QTMAN: variants seen among roughly 807,000 people sequenced by gnomAD.
QTMAN encodes queuosine-tRNA mannosyltransferase, also known as tRNA-queuosine alpha-mannosyltransferase.
the QTMAN span, among the ~76,000 whole-genome samples, chr2:144,231,986 G>A: frequency 6.0e-5 from 9 of 150,856 alleles, no homozygotes; most frequent in African/African-American, 1.9e-4. Flanking sequence ...AAAAAGTTTC[G>A]CTGGCATGCC....
At chr2:144,246,579 CAAAA>C in the QTMAN span, among the ~76,000 whole-genome samples, 3 of 47,062 alleles carry the variant, frequency 6.4e-5, no homozygotes, top group Non-Finnish European at 8.4e-5. Flanking sequence ...GACTCCGTCT[CAAAA>C]AAAAAAAAAA....
the QTMAN span, among the ~76,000 whole-genome samples, chr2:144,311,211 T>C: frequency 2.6e-5 from 4 of 152,232 alleles, no homozygotes; most frequent in African/African-American, 9.7e-5. Flanking sequence ...AAGATACTCA[T>C]TCTTATTCTA....
At chr2:144,206,509 T>C in the QTMAN span, among the ~76,000 whole-genome samples, 1 of 152,204 alleles carries the variant, frequency 6.6e-6, no homozygotes, top group African/African-American at 2.4e-5. Context: ...TTATCATTGC[T>C]CAAATATAAG....
At chr2:144,075,241 A>T in the QTMAN span, among the ~76,000 whole-genome samples, 1 of 152,192 alleles carries the variant, frequency 6.6e-6, no homozygotes, top group African/African-American at 2.4e-5. Flanking sequence ...TATTAGGAGA[A>T]ATCGAGAATA....
the QTMAN span, among the ~76,000 whole-genome samples, chr2:144,064,625 G>A: frequency 6.6e-6 from 1 of 152,118 alleles, no homozygotes; most frequent in Non-Finnish European, 1.5e-5. Context: ...CAATATAGAA[G>A]TAGGGAATGC....
the QTMAN span, chr2:144,178,253 C>T: frequency 6.6e-5 from 10 of 152,072 alleles, no homozygotes; most frequent in African/African-American, 1.9e-4. Flanking sequence ...GAACCTGATC[C>T]GTAAAAGGAG....
the QTMAN span, among the ~76,000 whole-genome samples, chr2:144,082,859 G>T: frequency 6.6e-6 from 1 of 151,942 alleles, no homozygotes; most frequent in Non-Finnish European, 1.5e-5. Flanking sequence ...AGCTTGAGGG[G>T]TTATCATCTA....
the QTMAN span, among the ~76,000 whole-genome samples, chr2:144,259,936 T>G: frequency 6.6e-6 from 1 of 152,156 alleles, no homozygotes; most frequent in Non-Finnish European, 1.5e-5. Flanking sequence ...CTGTGAAAAT[T>G]AATTATAAAA....
the QTMAN span, among the ~76,000 whole-genome samples, chr2:144,243,278 A>G: frequency 6.6e-6 from 1 of 152,210 alleles, no homozygotes; most frequent in African/African-American, 2.4e-5. Context: ...TCTGTCAATG[A>G]CAGTCCAATG....
At chr2:144,297,005 CTAT>C in the QTMAN span, among the ~76,000 whole-genome samples, 3 of 152,134 alleles carry the variant, frequency 2.0e-5, no homozygotes, top group Admixed American at 6.5e-5. Flanking sequence ...ATATGGAAAA[CTAT>C]TATTATTACT....
the QTMAN span, among the ~76,000 whole-genome samples, chr2:143,949,819 T>G: frequency 6.6e-6 from 1 of 151,628 alleles, no homozygotes; most frequent in Non-Finnish European, 1.5e-5. Context: ...TGTATCATTA[T>G]TATAAAGGTT....
chr2:144,147,270 A>T, the QTMAN span, among the ~76,000 whole-genome samples: 603 of 151,828 alleles, frequency 4.0e-3, 1 homozygote, highest in Non-Finnish European at 6.5e-3. Flanking sequence ...GGTTAAAAAA[A>T]AAAAATCTTA....
At chr2:144,242,510 CT>C in the QTMAN span, among the ~76,000 whole-genome samples, 4 of 152,116 alleles carry the variant, frequency 2.6e-5, no homozygotes, top group East Asian at 5.8e-4. Context: ...CATGGAGCAG[CT>C]TTACATAAGA....
At chr2:144,040,513 C>T in the QTMAN span, among the ~76,000 whole-genome samples, 1 of 152,032 alleles carries the variant, frequency 6.6e-6, no homozygotes, top group Non-Finnish European at 1.5e-5. Context: ...GCCTACTGTG[C>T]ACACGAAAGG....
chr2:144,288,612 C>A, the QTMAN span, among the ~76,000 whole-genome samples: 2 of 152,178 alleles, frequency 1.3e-5, no homozygotes, highest in Non-Finnish European at 2.9e-5. Flanking sequence ...TAAAGAAATT[C>A]CAACAATTCC....
the QTMAN span, chr2:144,006,388 A>T: frequency 2.6e-3 from 389 of 152,222 alleles, 3 homozygotes; most frequent in South Asian, 5.6e-3. Flanking sequence ...GCTCTCAGAA[A>T]ATCGGACCTA....
At chr2:144,107,760 C>A in the QTMAN span, among the ~76,000 whole-genome samples, 2 of 152,120 alleles carry the variant, frequency 1.3e-5, no homozygotes, top group Non-Finnish European at 2.9e-5. Flanking sequence ...TTTATGAGGC[C>A]AGCATCATCC....
the QTMAN span, among the ~76,000 whole-genome samples, chr2:144,157,237 T>C: frequency 6.6e-6 from 1 of 152,092 alleles, no homozygotes; most frequent in Non-Finnish European, 1.5e-5. Context: ...GGTATAAATA[T>C]GCAGTAGAGA....
the QTMAN span, among the ~76,000 whole-genome samples, chr2:144,240,728 C>T: frequency 2.0e-5 from 3 of 152,266 alleles, no homozygotes; most frequent in South Asian, 6.2e-4. Context: ...TGCAAACAGT[C>T]CACACAAACA....
Sources: allele counts gnomAD v4.1 joint callset (sites outside exome capture counted in the v4.1 genomes callset), GRCh38; gene constraint gnomAD v4.1.1; transcripts MANE v1.5; gene names NCBI Gene and HGNC (gene_info 2026-07-23, HGNC 2026-07-21).